Variants in SMCO3 observed in about 807,000 individuals in gnomAD.
SMCO3 encodes single-pass membrane protein with coiled-coil domains 3, also known as single-pass membrane and coiled-coil domain-containing protein 3.
A neutral mutation model predicts 12.0 loss-of-function variants in SMCO3; 6 were observed. That is an observed-to-expected ratio of 0.50 (90% confidence interval 0.27 to 0.99). The LOEUF (loss-of-function observed/expected upper bound fraction) is 0.99. Among genes scored for constraint, SMCO3 ranks in the 50% least tolerant of loss-of-function variants. SMCO3 has a pLI of 0.11. For missense variants in SMCO3, 279 were observed against 265.0 expected, an observed-to-expected ratio of 1.05 and a Z score of -0.37; for synonymous variants, 96 against 96.4, an observed-to-expected ratio of 1.00 and a Z score of 0.02.
intron 1 of SMCO3, among the ~76,000 whole-genome samples, chr12:14,807,292 G>A (rs541751493): frequency 5.3e-4 from 81 of 152,282 alleles, no homozygotes; most frequent in African/African-American, 1.7e-3. Flanking sequence ...ATTAATAAGC[G>A]TGATTATTTC....
At chr12:14,809,321 A>G (rs963621715) in intron 1 of SMCO3, among the ~76,000 whole-genome samples, 22 of 152,194 alleles carry the variant, frequency 1.4e-4, no homozygotes, top group African/African-American at 4.8e-4. Flanking sequence ...TTCACGAATT[A>G]ATCGTAAAAT....
In SMCO3 at chr12:14,806,428, C is replaced by T. The variant is rs575449284; in HGVS notation, c.253G>A (p.Glu85Lys). Residue 85 changes from glutamate to lysine, a missense_variant, in exon 2 of 2, where the codon GAA (glutamate) becomes AAA (lysine). Transcript: ENST00000316048. ...KIQKELQKVD[E>K]ALKDKLEPTL... ...GGCTCTAGCTTATCTTTTAGTGCTT[C>T]ATCAACCTTCTGCAATTCCTTTTGG... is the stretch of plus-strand genomic sequence containing the variant. 2.7e-4 allele frequency: 432 copies of T among 1,614,208 alleles called. 2 individuals carry two copies. In the South Asian group the frequency reaches 3.8e-3, roughly 14 times the overall value.
rs1950057615 is a variant in SMCO3 at position 14,806,694 on chromosome 12, T to C, written c.-14A>G. The stretch of plus-strand genomic sequence containing the variant: ...ACTTTGGGCCATATTTCCAATATGA[T>C]CGCTGAAAAATAAAATGGTAAATTT... On this transcript the variant is annotated splice_region_variant and 5_prime_UTR_variant, in exon 2 of 2. Transcript: ENST00000316048. 1 of 1,561,368 alleles carries C rather than the reference T, an allele frequency of 6.4e-7. No individual in the cohort carries two copies. Among genetic ancestry groups the C allele is most frequent in the African/African-American group, 1.4e-5 (1 of 72,330 alleles).
chr12:14,805,984 T>C lies in SMCO3; in HGVS notation c.*19A>G. ...AAAAGGAAGCAGAAAAACACTTCAG[T>C]GGCAAATAAAACGGCTGTTCATTTC... On this transcript the variant is annotated 3_prime_UTR_variant, in exon 2 of 2. Transcript: ENST00000316048. 6.3e-7 allele frequency: 1 copy of C among 1,578,420 alleles called. No individual in the cohort carries two copies. Among genetic ancestry groups the C allele is most frequent in the Non-Finnish European group, 8.6e-7 (1 of 1,161,796 alleles).
intron 1 of SMCO3, among the ~76,000 whole-genome samples, chr12:14,807,919 A>G (rs1950078591): frequency 6.6e-6 from 1 of 152,152 alleles, no homozygotes; most frequent in African/African-American, 2.4e-5. Context: ...TAATCCCAGC[A>G]CTTTGGGAGG....
At chr12:14,811,075 C>G (rs774795649) in intron 1 of SMCO3, among the ~76,000 whole-genome samples, 2 of 152,136 alleles carry the variant, frequency 1.3e-5, no homozygotes, top group Non-Finnish European at 2.9e-5. Flanking sequence ...ATATTTAATC[C>G]AGCTCTAATT....
In SMCO3 at chr12:14,804,824, T is replaced by A. The variant is rs1215177753; in HGVS notation, c.*1179A>T. ...TAGCTAAAATTTTATATGTAGCTAC[T>A]ATTTTTAAGATATGCTGAGCAGTTT... On this transcript the variant is annotated 3_prime_UTR_variant, in exon 2 of 2. Transcript: ENST00000316048. The A allele has an allele frequency of 6.6e-6, 1 of 152,266 alleles. No individual in the cohort carries two copies. Among genetic ancestry groups the A allele is most frequent in the Non-Finnish European group, 1.5e-5 (1 of 68,044 alleles). 9.4% of individuals were successfully genotyped at this position (152,266 alleles called of 1,614,324 possible).
chr12:14,806,411 C>G lies in SMCO3; in HGVS notation c.270G>C (p.Lys90Asn). 6.2e-7 allele frequency: 1 copy of G among 1,614,178 alleles called. No individual in the cohort carries two copies. Among genetic ancestry groups the G allele is most frequent in the Non-Finnish European group, 8.5e-7 (1 of 1,180,050 alleles). Residue 90 changes from lysine (K) to asparagine (N), a missense_variant, in exon 2 of 2, where the codon AAG (lysine) becomes AAC (asparagine). By Grantham distance (94) the Lys-to-Asn change is moderately conservative (BLOSUM62 0). Transcript: ENST00000316048. ...GTTTTCTATAGAGGGTTGGCTCTAG[C>G]TTATCTTTTAGTGCTTCATCAACCT... ...LQKVDEALKD[K>N]LEPTLYRKLQ...
At chr12:14,807,839 C>T (rs1041355566) in intron 1 of SMCO3, among the ~76,000 whole-genome samples, 3 of 151,702 alleles carry the variant, frequency 2.0e-5, no homozygotes, top group African/African-American at 4.8e-5. Flanking sequence ...CTAGAGTGAA[C>T]GTCAGAAAAA....
intron 1 of SMCO3, among the ~76,000 whole-genome samples, chr12:14,812,737 G>A (rs1950160424): frequency 6.6e-6 from 1 of 151,382 alleles, no homozygotes; most frequent in Non-Finnish European, 1.5e-5. Context: ...CAGGATACTG[G>A]GTATCCTGCT....
chr12:14,806,457 T>C lies in SMCO3; in HGVS notation c.224A>G (p.Lys75Arg), dbSNP rs2241221. ...AACCTTCTGCAATTCCTTTTGGATT[T>C]TCATAATGGCTTGGATGATGAGGTC... is the stretch of plus-strand genomic sequence containing the variant. ...NCDLIIQAIM[K>R]IQKELQKVDE... Residue 75 changes from lysine (K) to arginine (R), a missense_variant, in exon 2 of 2, where the codon AAA becomes AGA. Physicochemically the swap from Lys to Arg is conservative, Grantham distance 26. Coordinates refer to ENST00000316048, the MANE Select transcript of SMCO3 (RefSeq NM_001013698.2). The C allele has an allele frequency of 0.15, 241,921 of 1,614,060 alleles. 19,817 individuals carry two copies. Among genetic ancestry groups the C allele is most frequent in the African/African-American group, 0.26 (19,841 of 74,952 alleles).
chr12:14,811,598 G>A (rs933171348), intron 1 of SMCO3, among the ~76,000 whole-genome samples: 1 of 152,112 alleles, frequency 6.6e-6, no homozygotes, highest in African/African-American at 2.4e-5. Flanking sequence ...TTTTTGAATT[G>A]AGAAGTCAAC....
chr12:14,812,848 G>A (rs1040283132), intron 1 of SMCO3, among the ~76,000 whole-genome samples: 5 of 152,032 alleles, frequency 3.3e-5, no homozygotes, highest in African/African-American at 4.8e-5. Context: ...GAATGATCCT[G>A]TCACCCAGAT....
At chr12:14,807,449 A>G (rs1445637041) in intron 1 of SMCO3, among the ~76,000 whole-genome samples, 1 of 152,126 alleles carries the variant, frequency 6.6e-6, no homozygotes, top group East Asian at 1.9e-4. Flanking sequence ...TTGGAGTTAA[A>G]CTCTAGTCAG....
Position 14,806,197 on chromosome 12 carries a change from T to G in SMCO3, c.484A>C (p.Ser162Arg). The G allele has an allele frequency of 6.2e-7, 1 of 1,614,120 alleles. No homozygotes were observed. The change falls in exon 2 of 2, where the codon AGT becomes CGT. Residue 162 changes from serine to arginine, a missense_variant. Coordinates refer to ENST00000316048, the MANE Select transcript of SMCO3 (RefSeq NM_001013698.2). ...AGGCCAAGAACAGCAACTCCAATACTACCAAGGAGAGAAGCACCAATTTGA... is the reference window on the plus strand; with the variant it reads ...AGGCCAAGAACAGCAACTCCAATACGACCAAGGAGAGAAGCACCAATTTGA... The part of the protein sequence containing the change: ...LAQIGASLLG[S>R]IGVAVLGLGI...
chr12:14,812,336 T>G (rs985644236), intron 1 of SMCO3, among the ~76,000 whole-genome samples: 1 of 151,910 alleles, frequency 6.6e-6, no homozygotes, highest in Non-Finnish European at 1.5e-5. Context: ...CCCAGCTACT[T>G]GGGAGGCTGA....
chr12:14,811,954 A>G (rs1950146425), intron 1 of SMCO3, among the ~76,000 whole-genome samples: 1 of 152,262 alleles, frequency 6.6e-6, no homozygotes, highest in African/African-American at 2.4e-5. Flanking sequence ...ATTTTTAAAT[A>G]TATACTTATT....
chr12:14,806,703 A>G lies in SMCO3; in HGVS notation c.-16-7T>C, dbSNP rs1372241934. On this transcript the variant is annotated splice_region_variant and splice_polypyrimidine_tract_variant and intron_variant, in intron 1 of 1. Coordinates refer to ENST00000316048, the MANE Select transcript of SMCO3 (RefSeq NM_001013698.2). ...CATATTTCCAATATGATCGCTGAAAAATAAAATGGTAAATTTTTACTGAAA... is the reference window on the plus strand; with the variant it reads ...CATATTTCCAATATGATCGCTGAAAGATAAAATGGTAAATTTTTACTGAAA... The G allele has an allele frequency of 6.4e-7, 1 of 1,552,564 alleles. No homozygotes were observed. The highest frequency in any genetic ancestry group is 8.7e-7 in the Non-Finnish European group (1 of 1,154,060).
intron 1 of SMCO3, among the ~76,000 whole-genome samples, chr12:14,808,997 G>A (rs1321187256): frequency 1.3e-5 from 2 of 152,118 alleles, no homozygotes; most frequent in Non-Finnish European, 1.5e-5. Flanking sequence ...TCCATTAAAC[G>A]TTTGTCTTTT....
Sources: gnomAD v4.1 joint callset for allele counts (sites outside exome capture counted in the v4.1 genomes callset) on GRCh38, gnomAD v4.1.1 for gene constraint, MANE v1.5 for transcripts, NCBI Gene and HGNC (gene_info 2026-07-23, HGNC 2026-07-21) for gene names.